AIG1: variants seen among roughly 807,000 people sequenced by gnomAD.
The protein encoded by AIG1 is androgen-induced gene 1 protein.
A neutral mutation model predicts 31.4 loss-of-function variants in AIG1; 23 were observed. The ratio of observed to expected loss-of-function variants is 0.73; its 90% CI spans 0.53 to 1.04. The LOEUF is 1.04. AIG1 is among the 50% of genes least tolerant of loss of function. The pLI is 0.00. For synonymous variants in AIG1, 100 were observed against 110.5 expected (o/e 0.90, Z 0.60); for missense variants, 274 against 295.0 (o/e 0.93, Z 0.52).
chr6:143,168,343 G>A (rs180694188), intron 3 of AIG1, among the ~76,000 whole-genome samples: 1 of 151,430 alleles, frequency 6.6e-6, no homozygotes, highest in African/African-American at 2.4e-5. Context: ...TGCCATGTTG[G>A]TGTGCTGCAC....
At chr6:143,147,429 C>T (rs1031647689) in intron 2 of AIG1, among the ~76,000 whole-genome samples, 1 of 152,088 alleles carries the variant, frequency 6.6e-6, no homozygotes, top group Non-Finnish European at 1.5e-5. Context: ...AAGGACATCT[C>T]CCCTCCCCTT....
At chr6:143,209,262 A>G (rs538088777) in intron 3 of AIG1, among the ~76,000 whole-genome samples, 63 of 152,352 alleles carry the variant, frequency 4.1e-4, no homozygotes, top group Middle Eastern at 6.8e-3. Flanking sequence ...TACTAAAATC[A>G]TGGTCACCCA....
chr6:143,133,361 C>G (rs1488588660), intron 1 of AIG1, among the ~76,000 whole-genome samples: 1 of 151,980 alleles, frequency 6.6e-6, no homozygotes, highest in Non-Finnish European at 1.5e-5. Context: ...AATAAGGCCT[C>G]TTCTATGTGA....
intron 1 of AIG1, among the ~76,000 whole-genome samples, chr6:143,079,511 A>G (rs1408802922): frequency 1.3e-5 from 2 of 152,200 alleles, no homozygotes; most frequent in African/African-American, 2.4e-5. Flanking sequence ...TACTCTGTTC[A>G]GAGTTCTTAG....
chr6:143,163,395 CT>C (rs1205150480), intron 2 of AIG1, among the ~76,000 whole-genome samples: 1 of 152,220 alleles, frequency 6.6e-6, no homozygotes, highest in African/African-American at 2.4e-5. Context: ...TAAAGACGTT[CT>C]TCTGATCTCA....
intron 4 of AIG1, among the ~76,000 whole-genome samples, chr6:143,290,880 C>G (rs1227641728): frequency 6.6e-6 from 1 of 152,168 alleles, no homozygotes; most frequent in Non-Finnish European, 1.5e-5. Context: ...CCGAAGGACT[C>G]TGCTCACTTA....
At chr6:143,306,740 G>A (rs1263684419) in intron 4 of AIG1, among the ~76,000 whole-genome samples, 2 of 152,040 alleles carry the variant, frequency 1.3e-5, no homozygotes, top group African/African-American at 4.8e-5. Flanking sequence ...GAATCTGAAC[G>A]TTGGCCTGCC....
rs1798685588 is a variant in AIG1, at chr6:143,299,581, C to A, written c.515+15356C>A. Reference sequence around the variant, plus strand: ...TGGAAGTTTGAAGTTATGAAATACCCATATGCTTAAAGAGAGAAATGAGTA... The same window carrying A: ...TGGAAGTTTGAAGTTATGAAATACCAATATGCTTAAAGAGAGAAATGAGTA... On this transcript the variant is annotated intron_variant, in intron 4 of 5. Transcript: ENST00000357847. This position sits in a 1 kb window ranked among gnomAD's most constrained non-coding sequence, Gnocchi z 4.1. 1 of 152,158 alleles carries A rather than the reference C, an allele frequency of 6.6e-6. No individual in the cohort carries two copies. Among genetic ancestry groups the A allele is most frequent in the Non-Finnish European group, 1.5e-5 (1 of 68,030 alleles). 9.4% of individuals were successfully genotyped at this position (152,158 alleles called of 1,614,324 possible).
chr6:143,155,766 G>A (rs1489739932), intron 2 of AIG1, among the ~76,000 whole-genome samples: 1 of 152,218 alleles, frequency 6.6e-6, no homozygotes, highest in Non-Finnish European at 1.5e-5. Context: ...GCCACACATA[G>A]TCTGGTGAAG....
In AIG1 at chr6:143,290,218, A is replaced by T. The variant is rs114788806; in HGVS notation, c.515+5993A>T. Among the ~76,000 whole-genome samples, 1,225 of 152,350 alleles carry T rather than the reference A, an allele frequency of 8.0e-3. 15 individuals carry two copies. The highest frequency in any genetic ancestry group is 0.027 in the African/African-American group (1,115 of 41,568). On this transcript the variant is annotated intron_variant, in intron 4 of 5. Transcript: ENST00000357847. The stretch of plus-strand genomic sequence containing the variant: ...CTGAAGCAAGTTTTAGAACAGGAGT[A>T]AAAGTTTATTTAAAAGCTTTAGAGC...
chr6:143,260,896 A>G (rs944152565), intron 3 of AIG1, among the ~76,000 whole-genome samples: 1 of 151,900 alleles, frequency 6.6e-6, no homozygotes, highest in African/African-American at 2.4e-5. Flanking sequence ...AAGAAGCCCT[A>G]ATTCCCCTTC....
intron 1 of AIG1, among the ~76,000 whole-genome samples, chr6:143,075,113 C>G (rs1007285849): frequency 2.0e-5 from 3 of 152,082 alleles, no homozygotes; most frequent in Non-Finnish European, 2.9e-5. Context: ...TTATCTTTCT[C>G]TTATTGTCTG....
chr6:143,189,843 C>G, intron 3 of AIG1: 1 of 960,624 alleles, frequency 1.0e-6, no homozygotes, highest in Middle Eastern at 5.4e-4. Flanking sequence ...ATTCAGGCTA[C>G]TATAACAAAA....
upstream of AIG1, chr6:143,060,353 C>A (rs921949687): frequency 5.9e-6 from 1 of 168,210 alleles, no homozygotes; most frequent in African/African-American, 2.4e-5. Flanking sequence ...CACACCCCCA[C>A]CGGATCCCTC....
At chr6:143,139,661 A>G (rs149873581) in intron 2 of AIG1, among the ~76,000 whole-genome samples, 1 of 152,222 alleles carries the variant, frequency 6.6e-6, no homozygotes, top group African/African-American at 2.4e-5. Flanking sequence ...AAAGAAAGTG[A>G]CATTTCTTTC....
intron 3 of AIG1, among the ~76,000 whole-genome samples, chr6:143,272,465 A>G (rs1417378604): frequency 6.6e-6 from 1 of 152,204 alleles, no homozygotes; most frequent in African/African-American, 2.4e-5. Flanking sequence ...AGAGAGAGTG[A>G]ACACACACCA....
downstream of AIG1, among the ~76,000 whole-genome samples, chr6:143,343,584 A>G (rs1777899917): frequency 6.6e-6 from 1 of 152,198 alleles, no homozygotes; most frequent in Non-Finnish European, 1.5e-5. Context: ...GTTTACATCT[A>G]GTTCGTAAAA....
intron 3 of AIG1, among the ~76,000 whole-genome samples, chr6:143,250,128 C>T (rs1208603695): frequency 2.0e-5 from 3 of 152,202 alleles, no homozygotes; most frequent in African/African-American, 7.2e-5. Context: ...GGCGTGGTCC[C>T]CTGTCTTGGC....
intron 3 of AIG1, among the ~76,000 whole-genome samples, chr6:143,235,186 G>T (rs899857782): frequency 6.6e-6 from 1 of 152,146 alleles, no homozygotes; most frequent in Admixed American, 6.5e-5. Context: ...AAGGTGGTAG[G>T]CTATGCCCCG....
Sources: gnomAD v4.1 joint callset for allele counts (sites outside exome capture counted in the v4.1 genomes callset) on GRCh38, gnomAD v4.1.1 for gene constraint, Gnocchi (gnomAD v3.1) non-coding constraint, MANE v1.5 for transcripts, NCBI Gene and HGNC (gene_info 2026-07-23, HGNC 2026-07-21) for gene names.